The following ZNF532 variants were observed in gnomAD, a reference collection of about 807,000 sequenced individuals.
ZNF532 encodes zinc finger protein 532.
In ZNF532, 22 loss-of-function variants were observed where a neutral mutation model predicts 89.3. The observed-to-expected ratio is 0.25, with a 90% CI of 0.18 to 0.35. The LOEUF (loss-of-function observed/expected upper bound fraction) is 0.35, where lower values mean the gene tolerates loss of function less well. Ranked by LOEUF, ZNF532 falls within the 10% of genes least tolerant of loss-of-function variation. ZNF532 has a pLI of 1.00. For missense variants in ZNF532, 1,132 were observed against 1,643.4 expected, an observed-to-expected ratio of 0.69 and a Z score of 5.38; for synonymous variants, 606 against 649.6, an observed-to-expected ratio of 0.93 and a Z score of 1.02.
At chr18:58,890,021 T>C (rs2058769561) in intron 2 of ZNF532, among the ~76,000 whole-genome samples, 1 of 151,684 alleles carries the variant, frequency 6.6e-6, no homozygotes, top group Non-Finnish European at 1.5e-5. Flanking sequence ...AGGTGGAGGT[T>C]GTGGTAAGCC....
In ZNF532 at chr18:58,910,407, C is replaced by T. The variant is rs564931134; in HGVS notation, c.-17-7864C>T. Among the ~76,000 whole-genome samples, 17 of 152,106 alleles carry T rather than the reference C, an allele frequency of 1.1e-4. No individual in the cohort carries two copies. In the South Asian group the frequency reaches 1.2e-3, roughly 11 times the overall value. ...AATTACAGTTGGTCTTAATTTTGGA[C>T]GCCCCCTCCCATTCCTGGTTTTTAT... On this transcript the variant is annotated intron_variant, in intron 2 of 9. Coordinates refer to ENST00000591808, the MANE Select transcript of ZNF532 (RefSeq NM_001375912.1).
At chr18:58,879,570 T>C (rs1337169968) in intron 2 of ZNF532, among the ~76,000 whole-genome samples, 2 of 152,174 alleles carry the variant, frequency 1.3e-5, no homozygotes, top group Non-Finnish European at 2.9e-5. Context: ...TTTGTATTTT[T>C]AGTAGAGACA....
In ZNF532 at chr18:58,871,656, G is replaced by A. The variant is rs149220270; in HGVS notation, c.-18+6077G>A. ...GCTAAACAGCAAAGACACTGGCGCCGTTCACGTTGGAGGTGATAGCTGATG... is the reference window on the plus strand; with the variant it reads ...GCTAAACAGCAAAGACACTGGCGCCATTCACGTTGGAGGTGATAGCTGATG... On this transcript the variant is annotated intron_variant, in intron 2 of 9. Transcript: ENST00000591808. Among the ~76,000 whole-genome samples the A allele has an allele frequency of 1.1e-4, 16 of 152,328 alleles. No individual in the cohort carries two copies. In the East Asian group the frequency reaches 1.7e-3, roughly 17 times the overall value.
intron 2 of ZNF532, among the ~76,000 whole-genome samples, chr18:58,865,835 G>A (rs1026974425): frequency 2.6e-4 from 39 of 152,200 alleles, no homozygotes; most frequent in Admixed American, 5.9e-4. Context: ...AAGCGAGTGT[G>A]GAGAATGGTA....
At chr18:58,954,375 C>T (rs2064533925) in intron 7 of ZNF532, 1 of 483,514 alleles carries the variant, frequency 2.1e-6, no homozygotes, top group Non-Finnish European at 2.7e-6. Context: ...TTAAAAAATA[C>T]TTATTAGACC....
At chr18:58,932,843 C>T (rs555314446) in intron 3 of ZNF532, among the ~76,000 whole-genome samples, 2 of 152,142 alleles carry the variant, frequency 1.3e-5, no homozygotes, top group African/African-American at 4.8e-5. Flanking sequence ...TATATACACA[C>T]ACATGCATGT....
intron 3 of ZNF532, chr18:58,926,181 A>T (rs2061503613): frequency 6.6e-6 from 1 of 152,200 alleles, no homozygotes; most frequent in Non-Finnish European, 1.5e-5. Flanking sequence ...GGGAGAATTG[A>T]CATCTTTACT....
intron 7 of ZNF532, among the ~76,000 whole-genome samples, chr18:58,961,161 A>T (rs2065308264): frequency 6.6e-6 from 1 of 152,190 alleles, no homozygotes. Flanking sequence ...TCTACCCCAC[A>T]GCTTCTGATT....
intron 2 of ZNF532, among the ~76,000 whole-genome samples, chr18:58,883,650 T>G (rs2058079396): frequency 6.6e-6 from 1 of 152,116 alleles, no homozygotes; most frequent in African/African-American, 2.4e-5. Flanking sequence ...AAAGCAGAGT[T>G]TTTTAACCTC....
At chr18:58,945,535 T>TA (rs2063572798) in intron 5 of ZNF532, among the ~76,000 whole-genome samples, 1 of 152,176 alleles carries the variant, frequency 6.6e-6, no homozygotes, top group Non-Finnish European at 1.5e-5. Flanking sequence ...TCTCCTGTTT[T>TA]ACACTTCCTG....
intron 3 of ZNF532, among the ~76,000 whole-genome samples, chr18:58,931,190 A>G (rs2061933342): frequency 1.3e-5 from 2 of 152,214 alleles, no homozygotes; most frequent in Admixed American, 6.5e-5. Flanking sequence ...GCCCTTTATT[A>G]TGCTTTTTTC....
At chr18:58,928,539 C>G (rs944061826) in intron 3 of ZNF532, among the ~76,000 whole-genome samples, 3 of 152,152 alleles carry the variant, frequency 2.0e-5, no homozygotes, top group Admixed American at 1.3e-4. Flanking sequence ...CTCTGGTACA[C>G]GATCTGGGCC....
chr18:58,961,266 G>A lies in ZNF532; in HGVS notation c.3150+7467G>A, dbSNP rs564142429. Reference sequence around the variant, plus strand: ...TGCTCATCTTGGGACCATGCTTTGCGAACTACTGGCTTAGTCTGAGTGGCA... The same window carrying A: ...TGCTCATCTTGGGACCATGCTTTGCAAACTACTGGCTTAGTCTGAGTGGCA... On this transcript the variant is annotated intron_variant, in intron 7 of 9. Transcript: ENST00000591808. Among the ~76,000 whole-genome samples, 4 of 152,268 alleles carry A rather than the reference G, an allele frequency of 2.6e-5. No homozygotes were observed. In the East Asian group the frequency reaches 5.8e-4, roughly 22 times the overall value.
At chr18:58,866,247 G>A (rs1378609135) in intron 2 of ZNF532, among the ~76,000 whole-genome samples, 1 of 152,208 alleles carries the variant, frequency 6.6e-6, no homozygotes, top group East Asian at 1.9e-4. Flanking sequence ...ACTGGAATGG[G>A]TGGTAGAAAA....
At chr18:58,966,154 TCTG>T (rs1398140108) in intron 7 of ZNF532, among the ~76,000 whole-genome samples, 7 of 152,108 alleles carry the variant, frequency 4.6e-5, no homozygotes, top group Non-Finnish European at 8.8e-5. Flanking sequence ...CTTGAGTAGT[TCTG>T]CTGTAAAGGG....
upstream of ZNF532, chr18:58,864,048 G>GT (rs1400473914): frequency 4.6e-5 from 7 of 152,148 alleles, no homozygotes; most frequent in Non-Finnish European, 1.0e-4. Context: ...CGGGGGCCAC[G>GT]TGAGCGCGGC....
At chr18:58,872,617 G>T (rs2057081932) in intron 2 of ZNF532, among the ~76,000 whole-genome samples, 1 of 151,936 alleles carries the variant, frequency 6.6e-6, no homozygotes, top group Non-Finnish European at 1.5e-5. Flanking sequence ...CCAATAGCAG[G>T]TTTAGAACTG....
At chr18:58,884,251 C>T (rs148238166) in intron 2 of ZNF532, among the ~76,000 whole-genome samples, 4 of 152,284 alleles carry the variant, frequency 2.6e-5, no homozygotes, top group Middle Eastern at 3.4e-3. Context: ...GCGCTGGGCG[C>T]GCTCCTGTAA....
At chr18:58,890,122 T>G (rs1045014525) in intron 2 of ZNF532, among the ~76,000 whole-genome samples, 1 of 149,546 alleles carries the variant, frequency 6.7e-6, no homozygotes, top group African/African-American at 2.5e-5. Flanking sequence ...TGGCACACAC[T>G]TGTAATCCCA....
Sources: gnomAD v4.1 joint callset for allele counts (sites outside exome capture counted in the v4.1 genomes callset) on GRCh38, gnomAD v4.1.1 for gene constraint, MANE v1.5 for transcripts, NCBI Gene and HGNC (gene_info 2026-07-23, HGNC 2026-07-21) for gene names.